Variants in CYP39A1 observed in about 807,000 individuals in gnomAD.
CYP39A1 encodes the protein 24-hydroxycholesterol 7-alpha-hydroxylase.
A neutral mutation model predicts 58.1 loss-of-function variants in CYP39A1; 49 were observed. That is an observed-to-expected ratio of 0.84 (90% confidence interval 0.67 to 1.07). CYP39A1 has a LOEUF of 1.07. Among genes scored for constraint, CYP39A1 ranks in the 50% least tolerant of loss-of-function variants. CYP39A1 has a pLI of 0.00. For missense variants in CYP39A1, 531 were observed against 539.4 expected (o/e 0.98, Z 0.16); for synonymous variants, 209 against 187.6 (o/e 1.11, Z -0.93).
intron 7 of CYP39A1, among the ~76,000 whole-genome samples, chr6:46,603,787 A>G (rs772608235): frequency 6.6e-6 from 1 of 152,060 alleles, no homozygotes; most frequent in African/African-American, 2.4e-5. Flanking sequence ...CTATGTATTT[A>G]CTCTCTGCCT....
chr6:46,639,773 C>G (rs1364875989), intron 2 of CYP39A1, 105 bp from the exon 3 acceptor site: 2 of 875,114 alleles, frequency 2.3e-6, no homozygotes, highest in Non-Finnish European at 1.7e-6. Flanking sequence ...AGCCAAAGTC[C>G]TCTCAGTACA....
intron 7 of CYP39A1, among the ~76,000 whole-genome samples, chr6:46,621,268 GA>G (rs1255916692): frequency 2.6e-5 from 4 of 151,896 alleles, no homozygotes; most frequent in Non-Finnish European, 4.4e-5. Context: ...TATGTTCAAA[GA>G]ACTAAGGAAA....
At chr6:46,565,629 G>T (rs145869839) in intron 10 of CYP39A1, among the ~76,000 whole-genome samples, 6 of 152,272 alleles carry the variant, frequency 3.9e-5, no homozygotes, top group East Asian at 3.9e-4. Context: ...CAGGATGAAG[G>T]TCATGTAACC....
chr6:46,576,350 CAA>C (rs1037868269), intron 10 of CYP39A1, among the ~76,000 whole-genome samples: 2 of 152,056 alleles, frequency 1.3e-5, no homozygotes, highest in African/African-American at 2.4e-5. Context: ...ATATAAGAAG[CAA>C]AAAGTCCCAT....
At chr6:46,616,428 A>AT (rs1432326023) in intron 7 of CYP39A1, among the ~76,000 whole-genome samples, 1 of 151,282 alleles carries the variant, frequency 6.6e-6, no homozygotes, top group African/African-American at 2.4e-5. Context: ...CCAGCTAACA[A>AT]TTTTTTTAAG....
At chr6:46,560,498 A>T (rs1417185687) in intron 10 of CYP39A1, among the ~76,000 whole-genome samples, 1 of 152,134 alleles carries the variant, frequency 6.6e-6, no homozygotes, top group East Asian at 1.9e-4. Flanking sequence ...GCTGTTGTTT[A>T]CCTCAGAAAT....
Position 46,582,968 on chromosome 6 carries a change from A to G in CYP39A1, c.1250+4109T>C, listed in dbSNP as rs1022412424. 4.4e-6 allele frequency: 3 copies of G among 674,452 alleles called. No individual in the cohort carries two copies. The African/African-American group carries it at 5.9e-5, about 13-fold the overall frequency. 41.8% of individuals were successfully genotyped at this position (674,452 alleles called of 1,614,324 possible). ...TGTTTGGTTAAAAACAGTACTACTA[A>G]ATTACTATTAGATGGACCTCTGATT... On this transcript the variant is annotated intron_variant, in intron 10 of 11. Transcript: ENST00000275016.
At chr6:46,590,086 C>A (rs1772738705) in intron 8 of CYP39A1, among the ~76,000 whole-genome samples, 1 of 152,100 alleles carries the variant, frequency 6.6e-6, no homozygotes, top group South Asian at 2.1e-4. Context: ...TGTCAAGAAA[C>A]CCTCTGAGCA....
chr6:46,645,321 AG>A (rs1762253918), intron 1 of CYP39A1, among the ~76,000 whole-genome samples: 1 of 152,168 alleles, frequency 6.6e-6, no homozygotes, highest in African/African-American at 2.4e-5. Flanking sequence ...TATCAGATAT[AG>A]GACTTAGGTA....
intron 2 of CYP39A1, among the ~76,000 whole-genome samples, 190 bp from the exon 3 acceptor site, chr6:46,639,858 T>C (rs61712539): frequency 0.031 from 4,656 of 152,252 alleles, 216 homozygotes; most frequent in African/African-American, 0.1. Context: ...CTCACAACTG[T>C]AATCCCAGAA....
intron 10 of CYP39A1, among the ~76,000 whole-genome samples, chr6:46,574,693 T>G (rs1439557343): frequency 3.3e-5 from 5 of 152,094 alleles, no homozygotes; most frequent in Non-Finnish European, 5.9e-5. Flanking sequence ...TAGATACATA[T>G]CCTGCCCAGG....
rs571814903 is a variant in CYP39A1 at position 46,592,678 on chromosome 6, G to A, written c.1065+3309C>T. Among the ~76,000 whole-genome samples, 11 of 152,254 alleles carry A rather than the reference G, an allele frequency of 7.2e-5. No individual in the cohort carries two copies. In the South Asian group the frequency reaches 2.1e-3, roughly 29 times the overall value. On this transcript the variant is annotated intron_variant, in intron 8 of 11. Transcript: ENST00000275016. Reference sequence around the variant, plus strand: ...TATTAAAACAGAAAACTTTTCAGCTGAGCGTGGTCGTTTATGCCTGTAATC... The same window carrying A: ...TATTAAAACAGAAAACTTTTCAGCTAAGCGTGGTCGTTTATGCCTGTAATC...
chr6:46,632,069 CA>C (rs1775695931), intron 5 of CYP39A1, among the ~76,000 whole-genome samples: 1 of 152,126 alleles, frequency 6.6e-6, no homozygotes. Flanking sequence ...TTTCACTCCT[CA>C]CTATAACTCC....
chr6:46,643,579 G>A (rs1052175138), intron 1 of CYP39A1, among the ~76,000 whole-genome samples: 1 of 152,176 alleles, frequency 6.6e-6, no homozygotes, highest in Non-Finnish European at 1.5e-5. Context: ...GTTCAAATGA[G>A]AATTCTTAAC....
At chr6:46,557,616 C>G (rs555561871) in intron 10 of CYP39A1, among the ~76,000 whole-genome samples, 1 of 148,032 alleles carries the variant, frequency 6.8e-6, no homozygotes, top group African/African-American at 2.6e-5. Context: ...ACACTCCAGC[C>G]TGGGCAACAG....
At chr6:46,648,745 G>A (rs918401152) in intron 1 of CYP39A1, among the ~76,000 whole-genome samples, 8 of 151,956 alleles carry the variant, frequency 5.3e-5, no homozygotes, top group African/African-American at 9.7e-5. Context: ...TGCAGAGAGG[G>A]TAGGTCAAAA....
intron 8 of CYP39A1, among the ~76,000 whole-genome samples, chr6:46,589,083 T>G (rs908878260): frequency 6.6e-6 from 1 of 152,142 alleles, no homozygotes; most frequent in African/African-American, 2.4e-5. Context: ...GTGTATAATT[T>G]TGAAATGTCC....
chr6:46,586,692 A>T (rs1322253789), intron 10 of CYP39A1, among the ~76,000 whole-genome samples: 1 of 152,066 alleles, frequency 6.6e-6, no homozygotes, highest in African/African-American at 2.4e-5. Context: ...CAAGCCAAAG[A>T]TTTTCTAGAA....
chr6:46,558,647 G>A (rs1234227489), intron 10 of CYP39A1, among the ~76,000 whole-genome samples: 1 of 152,084 alleles, frequency 6.6e-6, no homozygotes, highest in Non-Finnish European at 1.5e-5. Context: ...AAGTAATCTG[G>A]GGGTAAATAT....
Sources: gnomAD v4.1 joint callset for allele counts (sites outside exome capture counted in the v4.1 genomes callset) on GRCh38, gnomAD v4.1.1 for gene constraint, MANE v1.5 for transcripts, NCBI Gene and HGNC (gene_info 2026-07-23, HGNC 2026-07-21) for gene names.